The following CNTNAP2 variants were observed in gnomAD, a reference collection of about 807,000 sequenced individuals.
CNTNAP2 encodes the protein contactin associated protein 2, also known as contactin-associated protein-like 2.
A neutral mutation model predicts 155.2 loss-of-function variants in CNTNAP2; 98 were observed. That is an observed-to-expected ratio of 0.63 (90% CI 0.54 to 0.75). CNTNAP2 has a LOEUF of 0.75. CNTNAP2 is among the 30% of genes least tolerant of loss of function. The probability of loss-of-function intolerance (pLI) is 0.00; values close to 1 mark genes in which losing one functional copy is unlikely to be tolerated. For synonymous variants in CNTNAP2, 651 were observed against 631.2 expected, an observed-to-expected ratio of 1.03 and a Z score of -0.47; for missense variants, 1,727 against 1,688.1, an observed-to-expected ratio of 1.02 and a Z score of -0.40.
intron 1 of CNTNAP2, among the ~76,000 whole-genome samples, chr7:146,653,873 C>CT (rs771999761): frequency 2.4e-4 from 37 of 152,064 alleles, no homozygotes; most frequent in Non-Finnish European, 4.4e-4. Flanking sequence ...AAGGTATTTG[C>CT]TAGGATCACA....
intron 13 of CNTNAP2, among the ~76,000 whole-genome samples, chr7:147,723,526 T>C (rs1796596892): frequency 6.6e-6 from 1 of 152,026 alleles, no homozygotes; most frequent in Admixed American, 6.6e-5. Context: ...TGTGATCTCT[T>C]TGCAGACTGA....
At chr7:147,923,076 A>T (rs1470592947) in intron 14 of CNTNAP2, among the ~76,000 whole-genome samples, 5 of 152,000 alleles carry the variant, frequency 3.3e-5, no homozygotes, top group Non-Finnish European at 5.9e-5. Flanking sequence ...ATATAATGAT[A>T]ATGAGCAAAA....
chr7:146,918,840 C>G (rs1382859641), intron 3 of CNTNAP2, among the ~76,000 whole-genome samples: 1 of 152,136 alleles, frequency 6.6e-6, no homozygotes, highest in Non-Finnish European at 1.5e-5. Flanking sequence ...GGTCATTTAC[C>G]ATAATTGCAA....
intron 18 of CNTNAP2, among the ~76,000 whole-genome samples, chr7:148,189,225 C>A (rs1220129769): frequency 6.6e-6 from 1 of 152,066 alleles, no homozygotes; most frequent in Non-Finnish European, 1.5e-5. Context: ...AAAATGGTAA[C>A]CTATTTGCCT....
chr7:147,338,355 A>G (rs1258169298), intron 9 of CNTNAP2, among the ~76,000 whole-genome samples: 2 of 8,072 alleles, frequency 2.5e-4, no homozygotes, highest in Non-Finnish European at 2.0e-4. Flanking sequence ...TTCCTCATGT[A>G]AAAAATTCAC....
intron 1 of CNTNAP2, among the ~76,000 whole-genome samples, chr7:146,541,926 A>G (rs1005400593): frequency 6.6e-6 from 1 of 152,002 alleles, no homozygotes; most frequent in Admixed American, 6.6e-5. Flanking sequence ...TGTTCTTAGT[A>G]ACAAAAACTA....
At chr7:146,417,982 G>T (rs539951514) in intron 1 of CNTNAP2, among the ~76,000 whole-genome samples, 2 of 152,058 alleles carry the variant, frequency 1.3e-5, no homozygotes, top group African/African-American at 2.4e-5. Flanking sequence ...CTTCCAGTTG[G>T]GGGATATAAA....
At chr7:146,543,239 C>A (rs1797980181) in intron 1 of CNTNAP2, among the ~76,000 whole-genome samples, 1 of 151,590 alleles carries the variant, frequency 6.6e-6, no homozygotes, top group African/African-American at 2.4e-5. Flanking sequence ...TAATGTTCAA[C>A]CAAATATGAG....
At chr7:146,609,768 G>C (rs560320050) in intron 1 of CNTNAP2, among the ~76,000 whole-genome samples, 6 of 152,278 alleles carry the variant, frequency 3.9e-5, no homozygotes, top group Admixed American at 1.3e-4. Flanking sequence ...ATTGTTGTGA[G>C]ATGTCCATTA....
At chr7:147,071,281 C>T (rs1799886094) in intron 4 of CNTNAP2, among the ~76,000 whole-genome samples, 1 of 148,434 alleles carries the variant, frequency 6.7e-6, no homozygotes, top group African/African-American at 2.6e-5. Context: ...TGAAGTGATA[C>T]TTTTAAAGTT....
chr7:147,467,052 C>T (rs1003906869), intron 10 of CNTNAP2, among the ~76,000 whole-genome samples: 7 of 152,124 alleles, frequency 4.6e-5, no homozygotes, highest in East Asian at 1.9e-4. Flanking sequence ...ATACTGATTG[C>T]AGCATGTTTG....
chr7:146,823,566 T>C (rs918438848), intron 2 of CNTNAP2, among the ~76,000 whole-genome samples: 2 of 148,504 alleles, frequency 1.3e-5, no homozygotes, highest in African/African-American at 5.0e-5. Context: ...TATATTTACA[T>C]GGAAATATAC....
chr7:146,446,427 A>AT (rs1466632813), intron 1 of CNTNAP2, among the ~76,000 whole-genome samples: 2 of 150,968 alleles, frequency 1.3e-5, no homozygotes, highest in Non-Finnish European at 2.9e-5. Flanking sequence ...AGAAAATAAG[A>AT]TAAAAAAAAG....
In CNTNAP2 at chr7:146,985,431, C is replaced by T. The variant is rs1013834856; in HGVS notation, c.403-58476C>T. On this transcript the variant is annotated intron_variant, in intron 3 of 23. Coordinates refer to ENST00000361727, the MANE Select transcript of CNTNAP2 (RefSeq NM_014141.6). Reference sequence around the variant, plus strand: ...CTCCTGGGTTCATGCCATTCTCCTGCCTCAGCCTCCCAAGTAGCTGGGACT... The same window carrying T: ...CTCCTGGGTTCATGCCATTCTCCTGTCTCAGCCTCCCAAGTAGCTGGGACT... Among the ~76,000 whole-genome samples, 41 of 151,388 alleles carry T rather than the reference C, an allele frequency of 2.7e-4. 1 individual carries two copies. The highest frequency in any genetic ancestry group is 1.5e-3 in the Admixed American group (23 of 15,200).
chr7:146,683,355 A>T (rs1800538884), intron 1 of CNTNAP2, among the ~76,000 whole-genome samples: 1 of 152,154 alleles, frequency 6.6e-6, no homozygotes, highest in African/African-American at 2.4e-5. Flanking sequence ...AAAATATTTC[A>T]GTGATTTGGC....
At chr7:146,834,141 G>A (rs140825001) in intron 2 of CNTNAP2, among the ~76,000 whole-genome samples, 3 of 152,024 alleles carry the variant, frequency 2.0e-5, no homozygotes, top group African/African-American at 7.2e-5. Context: ...CTCTGGTGGT[G>A]TTAAAACCAC....
At chr7:147,480,396 A>G (rs1372128134) in intron 10 of CNTNAP2, among the ~76,000 whole-genome samples, 2 of 152,184 alleles carry the variant, frequency 1.3e-5, no homozygotes, top group Non-Finnish European at 2.9e-5. Flanking sequence ...AGCAAATTAA[A>G]TATCCTAGCA....
chr7:147,586,865 C>T (rs1800637334), intron 12 of CNTNAP2, among the ~76,000 whole-genome samples: 1 of 152,112 alleles, frequency 6.6e-6, no homozygotes, highest in Admixed American at 6.5e-5. Context: ...TACCTGTGGC[C>T]TGGCAACAGA....
chr7:147,475,380 A>G (rs574151461), intron 10 of CNTNAP2, among the ~76,000 whole-genome samples: 239 of 152,318 alleles, frequency 1.6e-3, no homozygotes, highest in African/African-American at 5.4e-3. Context: ...AGAGATGTTC[A>G]ATGAATCTCA....
Sources: allele counts gnomAD v4.1 joint callset (sites outside exome capture counted in the v4.1 genomes callset), GRCh38; gene constraint gnomAD v4.1.1; transcripts MANE v1.5; gene names NCBI Gene and HGNC (gene_info 2026-07-23, HGNC 2026-07-21).